CDH10: variants seen among roughly 807,000 people sequenced by gnomAD.
CDH10 encodes cadherin-10.
Under a neutral mutation model 73.1 loss-of-function variants are expected in CDH10, and 30 were observed. The observed-to-expected ratio is 0.41, with a 90% CI of 0.31 to 0.56. CDH10 has a LOEUF of 0.56. Among genes scored for constraint, CDH10 ranks in the 20% least tolerant of loss-of-function variants. The pLI is 0.27. For synonymous variants in CDH10, 345 were observed against 348.2 expected (o/e 0.99, Z 0.10); for missense variants, 815 against 973.7 (o/e 0.84, Z 2.17).
chr5:24,585,796 G>GT (rs199781588), intron 2 of CDH10, among the ~76,000 whole-genome samples: 7,424 of 152,074 alleles, frequency 0.049, 314 homozygotes, highest in African/African-American at 0.1. Flanking sequence ...CTAGATTTTT[G>GT]TTTTTTTCTC....
rs538034640 is a variant in CDH10 at position 24,566,045 on chromosome 5, T to C, written c.231+27215A>G. On this transcript the variant is annotated intron_variant, in intron 2 of 11. Coordinates refer to ENST00000264463, the MANE Select transcript of CDH10 (RefSeq NM_006727.5). ...CAATAAGATTCAAATAACATCATAG[T>C]TTTTTGTTTTGTTTTGTTTTTGAGA... Among the ~76,000 whole-genome samples the C allele has an allele frequency of 8.5e-5, 13 of 152,170 alleles. No homozygotes were observed. The South Asian group carries it at 2.7e-3, about 32-fold the overall frequency.
chr5:24,631,796 A>AAT (rs1561206291), intron 1 of CDH10, among the ~76,000 whole-genome samples: 2 of 152,138 alleles, frequency 1.3e-5, no homozygotes, highest in South Asian at 4.1e-4. Flanking sequence ...CACACTTTAT[A>AAT]ATATATATAT....
chr5:24,549,209 G>A (rs1264505260), intron 2 of CDH10, among the ~76,000 whole-genome samples: 4 of 152,094 alleles, frequency 2.6e-5, no homozygotes, highest in Admixed American at 2.0e-4. Flanking sequence ...CTGAATGCTC[G>A]TGAAGCACAA....
rs145898095 is a variant in CDH10 at position 24,617,396 on chromosome 5, A to G, written c.-123-23783T>C. Among the ~76,000 whole-genome samples the G allele has an allele frequency of 4.6e-3, 704 of 152,296 alleles. 7 individuals carry two copies. The highest frequency in any genetic ancestry group is 0.015 in the African/African-American group (638 of 41,576). ...ATCAATAAGATAAGAACCAAAAGCA[A>G]ACTTTAAACAAAATGTAGAAGTAGG... On this transcript the variant is annotated intron_variant, in intron 1 of 11. Coordinates refer to ENST00000264463, the MANE Select transcript of CDH10 (RefSeq NM_006727.5).
chr5:24,572,875 GCTTTA>G (rs1745438756), intron 2 of CDH10, among the ~76,000 whole-genome samples: 1 of 133,326 alleles, frequency 7.5e-6, no homozygotes, highest in Non-Finnish European at 1.5e-5. Flanking sequence ...GGACAGAAAA[GCTTTA>G]CTTTATTCAG....
intron 2 of CDH10, among the ~76,000 whole-genome samples, chr5:24,589,625 T>C (rs759873070): frequency 6.6e-5 from 10 of 152,038 alleles, no homozygotes; most frequent in Admixed American, 1.3e-4. Flanking sequence ...AATATAGAAT[T>C]AGTGATTTGC....
Position 24,507,425 on chromosome 5 carries a change from A to T in CDH10, c.1256+2141T>A, listed in dbSNP as rs140793180. 4.2e-3 allele frequency among the ~76,000 whole-genome samples: 642 copies of T among 151,350 alleles called. 1 individual carries two copies. The highest frequency in any genetic ancestry group is 7.2e-3 in the Admixed American group (109 of 15,136). Reference sequence around the variant, plus strand: ...TATAATATGTATAATAATATACACAAGATGATTCTTTCCTCCTAGTCTTTA... The same window carrying T: ...TATAATATGTATAATAATATACACATGATGATTCTTTCCTCCTAGTCTTTA... On this transcript the variant is annotated intron_variant, in intron 7 of 11. Transcript: ENST00000264463.
intron 1 of CDH10, among the ~76,000 whole-genome samples, chr5:24,632,237 T>C (rs1747725185): frequency 6.6e-6 from 1 of 152,106 alleles, no homozygotes; most frequent in South Asian, 2.1e-4. Flanking sequence ...CTATTTATTC[T>C]GCAAAAAACC....
chr5:24,519,642 A>C (rs1337553569), intron 5 of CDH10, among the ~76,000 whole-genome samples: 6 of 152,286 alleles, frequency 3.9e-5, no homozygotes, highest in African/African-American at 1.4e-4. Context: ...AATTAAAGCC[A>C]AGACGTGATA....
At chr5:24,548,759 C>T (rs1029107867) in intron 2 of CDH10, among the ~76,000 whole-genome samples, 12 of 151,888 alleles carry the variant, frequency 7.9e-5, no homozygotes, top group African/African-American at 2.9e-4. Context: ...TAAAAAATAC[C>T]TCACTCTGGA....
chr5:24,511,830 G>A (rs144706086), intron 5 of CDH10, among the ~76,000 whole-genome samples: 26 of 152,156 alleles, frequency 1.7e-4, no homozygotes, highest in Non-Finnish European at 3.7e-4. Context: ...CATATCTCTC[G>A]CAGGAACATG....
At chr5:24,493,512 G>A (rs1484335079) in intron 9 of CDH10, among the ~76,000 whole-genome samples, 1 of 151,734 alleles carries the variant, frequency 6.6e-6, no homozygotes, top group Non-Finnish European at 1.5e-5. Flanking sequence ...TTTACGGTAG[G>A]AGAAAACATA....
chr5:24,487,920 C>T lies in CDH10; in HGVS notation c.2110G>A (p.Ala704Thr), dbSNP rs2111605874. 1.9e-6 allele frequency: 3 copies of T among 1,613,876 alleles called. No homozygotes were observed. Among genetic ancestry groups the T allele is most frequent in the Non-Finnish European group, 1.7e-6 (2 of 1,179,920 alleles). ...TCCCGGACGTCCGTGTTATCTGGAG[C>T]TGTAGGAGTCCTCCGAGGAATAAAT... Reference protein sequence around the residue: ...TLFIPRRTPTAPDNTDVRDFI... With the variant: ...TLFIPRRTPTTPDNTDVRDFI... Residue 704 changes from alanine (A) to threonine (T), a missense_variant, in exon 12 of 12, where the codon GCT (alanine) becomes ACT (threonine). Around this residue, in one of 3 missense-constraint regions of CDH10, gnomAD observed 241 missense variants for 240.3 expected, o/e 1.00. Transcript: ENST00000264463.
At chr5:24,536,483 G>T (rs900941993) in intron 3 of CDH10, among the ~76,000 whole-genome samples, 1 of 151,928 alleles carries the variant, frequency 6.6e-6, no homozygotes, top group African/African-American at 2.4e-5. Flanking sequence ...GTAAAAAAAA[G>T]CTTTAGATTT....
intron 2 of CDH10, among the ~76,000 whole-genome samples, chr5:24,538,928 C>T (rs542127244): frequency 6.6e-6 from 1 of 152,048 alleles, no homozygotes; most frequent in African/African-American, 2.4e-5. Flanking sequence ...TACCAATAAA[C>T]ATTTTTACAT....
At chr5:24,556,193 AT>A (rs1744762805) in intron 2 of CDH10, among the ~76,000 whole-genome samples, 1 of 152,168 alleles carries the variant, frequency 6.6e-6, no homozygotes, top group Non-Finnish European at 1.5e-5. Flanking sequence ...TAGTATAGCC[AT>A]TATGGAAACC....
At chr5:24,584,855 T>C (rs184235309) in intron 2 of CDH10, among the ~76,000 whole-genome samples, 1 of 150,830 alleles carries the variant, frequency 6.6e-6, no homozygotes, top group Non-Finnish European at 1.5e-5. Context: ...AGCTTTTTTT[T>C]TTCCCCCCTG....
At chr5:24,594,780 C>G (rs1248239039) in intron 1 of CDH10, among the ~76,000 whole-genome samples, 4 of 151,924 alleles carry the variant, frequency 2.6e-5, no homozygotes, top group African/African-American at 9.7e-5. Context: ...CCAGTATACT[C>G]CATGTATTTT....
intron 2 of CDH10, among the ~76,000 whole-genome samples, chr5:24,563,775 CAAAAAAAAAAAA>C (rs56666966): frequency 7.8e-6 from 1 of 128,790 alleles, no homozygotes; most frequent in Non-Finnish European, 1.6e-5. Context: ...CCCCCTCCAC[CAAAAAAAAAAAA>C]AAAAAAAAAA....
Sources: gnomAD v4.1 joint callset for allele counts (sites outside exome capture counted in the v4.1 genomes callset) on GRCh38, gnomAD v4.1.1 for gene constraint, gnomAD v4.1.1 regional missense constraint, MANE v1.5 for transcripts, NCBI Gene and HGNC (gene_info 2026-07-23, HGNC 2026-07-21) for gene names.